Variants in MAST4 observed in about 807,000 individuals in gnomAD.
The protein encoded by MAST4 is microtubule-associated serine/threonine-protein kinase 4.
In MAST4, 89 loss-of-function variants were observed where a neutral mutation model predicts 162.7. That is an observed-to-expected ratio of 0.55 (90% confidence interval 0.46 to 0.65). The LOEUF (loss-of-function observed/expected upper bound fraction) is 0.65, where lower values mean the gene tolerates loss of function less well. Among genes scored for constraint, MAST4 ranks in the 30% least tolerant of loss-of-function variants. The pLI, the probability that MAST4 is intolerant of heterozygous loss-of-function variation, is 0.00. For synonymous variants in MAST4, 1,479 were observed against 1,361.1 expected (o/e 1.09, Z -1.91); for missense variants, 3,153 against 3,374.0 (o/e 0.93, Z 1.62).
chr5:67,075,596 GAA>G (rs201738081), intron 5 of MAST4, among the ~76,000 whole-genome samples: 1 of 149,906 alleles, frequency 6.7e-6, no homozygotes, highest in Non-Finnish European at 1.5e-5. Context: ...TTATCTTTTA[GAA>G]AAAAAAAGTA....
intron 4 of MAST4, among the ~76,000 whole-genome samples, chr5:66,937,436 C>T (rs900375952): frequency 2.6e-5 from 4 of 152,142 alleles, no homozygotes; most frequent in South Asian, 2.1e-4. Flanking sequence ...TGTAATGGAT[C>T]GGGCATTTAT....
intron 2 of MAST4, among the ~76,000 whole-genome samples, chr5:66,786,566 T>G (rs1257755327): frequency 1.3e-5 from 2 of 152,254 alleles, no homozygotes; most frequent in Admixed American, 1.3e-4. Context: ...CTGAGTGATT[T>G]CTGTATTAAG....
At chr5:66,995,426 CAG>C in intron 4 of MAST4, among the ~76,000 whole-genome samples, 1 of 152,202 alleles carries the variant, frequency 6.6e-6, no homozygotes, top group African/African-American at 2.4e-5. Flanking sequence ...GTTTTTGAGA[CAG>C]AGTCTCACTC....
intron 4 of MAST4, among the ~76,000 whole-genome samples, chr5:67,040,622 C>T (rs1413640218): frequency 2.0e-5 from 3 of 152,210 alleles, no homozygotes; most frequent in African/African-American, 7.2e-5. Context: ...ATAGCTTGAA[C>T]TATCTCTTGT....
At chr5:66,616,264 C>T (rs569347135) in intron 1 of MAST4, among the ~76,000 whole-genome samples, 46 of 152,288 alleles carry the variant, frequency 3.0e-4, no homozygotes, top group East Asian at 2.1e-3. Flanking sequence ...ACATTCAGTC[C>T]GTGTGACCAC....
Position 67,083,323 on chromosome 5 carries a change from G to A in MAST4, c.764-6839G>A, listed in dbSNP as rs1015021171. ...CAGATGGAATTCATGTCTACCAGAG[G>A]CAAACAAAATGTTTAGCATTTGTTA... On this transcript the variant is annotated intron_variant, in intron 5 of 28. Transcript: ENST00000403625. Among the ~76,000 whole-genome samples the A allele has an allele frequency of 2.4e-4, 37 of 152,194 alleles. 1 individual carries two copies. Among genetic ancestry groups the A allele is most frequent in the South Asian group, 1.0e-3 (5 of 4,810 alleles).
At chr5:66,929,004 A>AGGAT (rs1447853050) in intron 4 of MAST4, among the ~76,000 whole-genome samples, 1 of 152,178 alleles carries the variant, frequency 6.6e-6, no homozygotes, top group Non-Finnish European at 1.5e-5. Flanking sequence ...GAATCAATAG[A>AGGAT]GGATGGATGG....
chr5:67,005,013 A>G (rs556447793), intron 4 of MAST4: 14 of 774,468 alleles, frequency 1.8e-5, no homozygotes, highest in East Asian at 7.3e-5. Context: ...TCTGACCCCA[A>G]TTTTTGGACT....
chr5:66,620,245 T>C (rs979633846), intron 1 of MAST4, among the ~76,000 whole-genome samples: 1 of 152,148 alleles, frequency 6.6e-6, no homozygotes, highest in Non-Finnish European at 1.5e-5. Context: ...AGCAATTATA[T>C]TGTATTGCAT....
rs1773687679 is a variant in MAST4, at chr5:67,164,916, G to C, written c.5737G>C (p.Val1913Leu). 6.2e-7 allele frequency: 1 copy of C among 1,614,000 alleles called. No individual in the cohort carries two copies. The highest frequency in any genetic ancestry group is 8.5e-7 in the Non-Finnish European group (1 of 1,179,898). Residue 1913 changes from valine (V) to leucine (L), a missense_variant, in exon 29 of 29, where the codon GTC becomes CTC. Physicochemically the swap from Val to Leu is conservative, Grantham distance 32. Around this residue, in one of 7 missense-constraint regions of MAST4, gnomAD observed 1,644 missense variants for 1,495.0 expected, o/e 1.10. Transcript: ENST00000403625. The surrounding 1 kb of genome is among the most constrained non-coding windows in gnomAD (Gnocchi z 5.3). ...PHPTARSPGT[V>L]MESNPQQREG... ...TCCTACTGCCAGGAGCCCTGGAACAGTCATGGAAAGCAATCCCCAACAGAG... is the reference window on the plus strand; with the variant it reads ...TCCTACTGCCAGGAGCCCTGGAACACTCATGGAAAGCAATCCCCAACAGAG...
At chr5:66,712,194 C>T (rs1750540456) in intron 1 of MAST4, among the ~76,000 whole-genome samples, 1 of 152,204 alleles carries the variant, frequency 6.6e-6, no homozygotes, top group South Asian at 2.1e-4. Flanking sequence ...ACAATGCACA[C>T]TTATGTGGTA....
At chr5:66,761,536 G>T (rs901691576) in intron 2 of MAST4, among the ~76,000 whole-genome samples, 2 of 151,800 alleles carry the variant, frequency 1.3e-5, no homozygotes, top group African/African-American at 4.8e-5. Flanking sequence ...TTTAAAAATG[G>T]CCTGGAAAGT....
rs1265634690 is a variant in MAST4, at chr5:67,085,356, C to T, written c.764-4806C>T. Among the ~76,000 whole-genome samples, 8 of 152,196 alleles carry T rather than the reference C, an allele frequency of 5.3e-5. 1 individual carries two copies. On this transcript the variant is annotated intron_variant, in intron 5 of 28. Transcript: ENST00000403625. ...GGTAGCCTCCTAACTCATCCCCCTG[C>T]TTCCACTCTTGCCTGCTTAAAGCCC...
intron 1 of MAST4, among the ~76,000 whole-genome samples, chr5:66,735,985 G>A (rs186901585): frequency 1.3e-5 from 2 of 152,302 alleles, no homozygotes; most frequent in East Asian, 3.9e-4. Flanking sequence ...AGGGTGATAT[G>A]GAACATTTAA....
chr5:66,961,532 T>G (rs1414605428), intron 4 of MAST4, among the ~76,000 whole-genome samples: 1 of 152,244 alleles, frequency 6.6e-6, no homozygotes, highest in Non-Finnish European at 1.5e-5. Context: ...AGACATCAAA[T>G]ATATATTTCA....
At chr5:66,941,008 C>T (rs969982971) in intron 4 of MAST4, among the ~76,000 whole-genome samples, 3 of 152,044 alleles carry the variant, frequency 2.0e-5, no homozygotes, top group Non-Finnish European at 4.4e-5. Context: ...AGTAATATCT[C>T]GAGAGGAATC....
intron 1 of MAST4, among the ~76,000 whole-genome samples, chr5:66,723,587 A>C (rs761631772): frequency 6.6e-6 from 1 of 152,158 alleles, no homozygotes; most frequent in Non-Finnish European, 1.5e-5. Flanking sequence ...CGAGATGAGA[A>C]GAATTTGATT....
chr5:66,984,280 C>G (rs1749204291), intron 4 of MAST4, among the ~76,000 whole-genome samples: 1 of 152,096 alleles, frequency 6.6e-6, no homozygotes, highest in Non-Finnish European at 1.5e-5. Flanking sequence ...AAAGCAAAAG[C>G]CTCCCAAGTA....
At chr5:67,004,801 C>A in intron 4 of MAST4, 1 of 563,276 alleles carries the variant, frequency 1.8e-6, no homozygotes, top group South Asian at 2.1e-5. Flanking sequence ...AAGGCTAGGA[C>A]GGGACGGGTA....
Sources: allele counts gnomAD v4.1 joint callset (sites outside exome capture counted in the v4.1 genomes callset), GRCh38; gene constraint gnomAD v4.1.1; regional missense constraint gnomAD v4.1.1; non-coding constraint Gnocchi (gnomAD v3.1); transcripts MANE v1.5; gene names NCBI Gene and HGNC (gene_info 2026-07-23, HGNC 2026-07-21).